Variants in ST6GALNAC3 observed in about 807,000 individuals in gnomAD.
The protein encoded by ST6GALNAC3 is ST6 N-acetylgalactosaminide alpha-2,6-sialyltransferase 3.
In ST6GALNAC3, 25 loss-of-function variants were observed where a neutral mutation model predicts 32.7. The observed-to-expected ratio is 0.76, with a 90% CI of 0.56 to 1.07. The LOEUF is 1.07. ST6GALNAC3 is among the 50% of genes least tolerant of loss of function. The pLI, the probability that ST6GALNAC3 is intolerant of heterozygous loss-of-function variation, is 0.00. For synonymous variants in ST6GALNAC3, 129 were observed against 133.1 expected, an observed-to-expected ratio of 0.97 and a Z score of 0.21; for missense variants, 355 against 382.4, an observed-to-expected ratio of 0.93 and a Z score of 0.60.
chr1:76,102,235 T>TTGTG (rs60454163), intron 1 of ST6GALNAC3, among the ~76,000 whole-genome samples: 3,644 of 147,494 alleles, frequency 0.025, 62 homozygotes, highest in African/African-American at 0.045. Context: ...CCTGGTGTGT[T>TTGTG]TGTGTGTGTG....
intron 1 of ST6GALNAC3, chr1:76,142,989 G>T: frequency 5.0e-6 from 2 of 398,528 alleles, no homozygotes; most frequent in South Asian, 1.8e-5. Flanking sequence ...GCCAGAACCG[G>T]CAGAGGGCAA....
rs539342025 is a variant in ST6GALNAC3 at position 76,112,565 on chromosome 1, C to G, written c.18+37681C>G. 1.2e-4 allele frequency among the ~76,000 whole-genome samples: 18 copies of G among 151,712 alleles called. No homozygotes were observed. The South Asian group carries it at 3.5e-3, about 30-fold the overall frequency. ...ACGGGGTGGCTGCCGGGCGGAGACG[C>G]TCCTCACTTCCCAGACGGTGTGGCT... On this transcript the variant is annotated intron_variant, in intron 1 of 4. Transcript: ENST00000328299.
At chr1:76,180,165 G>A (rs1302046904) in intron 1 of ST6GALNAC3, among the ~76,000 whole-genome samples, 1 of 152,220 alleles carries the variant, frequency 6.6e-6, no homozygotes. Context: ...CATACTAGGT[G>A]TTCAGAAAGT....
intron 3 of ST6GALNAC3, among the ~76,000 whole-genome samples, chr1:76,545,208 A>G (rs1007110785): frequency 6.6e-6 from 1 of 152,234 alleles, no homozygotes; most frequent in African/African-American, 2.4e-5. Flanking sequence ...ACTAAAAGTC[A>G]CAAAGTAGCA....
chr1:76,515,528 A>AT (rs913715750), intron 3 of ST6GALNAC3, among the ~76,000 whole-genome samples: 7 of 151,860 alleles, frequency 4.6e-5, no homozygotes, highest in Non-Finnish European at 8.8e-5. Context: ...AATCTTCCTT[A>AT]TTTTTTGATG....
chr1:76,175,013 T>TTA (rs557947495), intron 1 of ST6GALNAC3, among the ~76,000 whole-genome samples: 28 of 152,278 alleles, frequency 1.8e-4, no homozygotes, highest in African/African-American at 5.8e-4. Flanking sequence ...ACCTATTACA[T>TTA]TATATTGTAT....
chr1:76,280,844 A>G (rs1479359355), intron 1 of ST6GALNAC3, among the ~76,000 whole-genome samples: 2 of 152,240 alleles, frequency 1.3e-5, no homozygotes, highest in Admixed American at 6.5e-5. Flanking sequence ...CAAATTGATC[A>G]TCAAGGCAAA....
At chr1:76,232,967 T>C (rs1251671171) in intron 1 of ST6GALNAC3, among the ~76,000 whole-genome samples, 3 of 152,170 alleles carry the variant, frequency 2.0e-5, no homozygotes, top group Non-Finnish European at 4.4e-5. Context: ...CTTTGGACAC[T>C]GTACTTAACC....
chr1:76,087,172 C>T (rs944952266), intron 1 of ST6GALNAC3, among the ~76,000 whole-genome samples: 7 of 152,326 alleles, frequency 4.6e-5, no homozygotes, highest in African/African-American at 1.4e-4. Context: ...CTGCATGTGA[C>T]TTCTAACTTG....
Position 76,630,118 on chromosome 1 carries a change from T to C in ST6GALNAC3, c.*1312T>C. ...TCTGCTCTCTTTAGCAGATGATCTGTAATTTGGTCATTGTTCTGTTATATT... is the reference window on the plus strand; with the variant it reads ...TCTGCTCTCTTTAGCAGATGATCTGCAATTTGGTCATTGTTCTGTTATATT... On this transcript the variant is annotated 3_prime_UTR_variant, in exon 5 of 5. Coordinates refer to ENST00000328299, the MANE Select transcript of ST6GALNAC3 (RefSeq NM_152996.4). 1 of 985,274 alleles carries C rather than the reference T, an allele frequency of 1.0e-6. No individual in the cohort carries two copies. Among genetic ancestry groups the C allele is most frequent in the Non-Finnish European group, 1.2e-6 (1 of 829,830 alleles). 61.0% of individuals were successfully genotyped at this position (985,274 alleles called of 1,614,324 possible). A position where few individuals can be genotyped will look rare whatever the true frequency, so the allele number is the denominator to read the frequency against.
chr1:76,354,447 G>A (rs1203573567), intron 2 of ST6GALNAC3, among the ~76,000 whole-genome samples: 1 of 152,178 alleles, frequency 6.6e-6, no homozygotes, highest in Admixed American at 6.5e-5. Flanking sequence ...AACAGCTCCT[G>A]TCCCACAGTA....
chr1:76,292,444 T>G (rs1026207564), intron 1 of ST6GALNAC3, among the ~76,000 whole-genome samples: 1 of 152,218 alleles, frequency 6.6e-6, no homozygotes, highest in Non-Finnish European at 1.5e-5. Context: ...GTAGAAAGAA[T>G]GAACCAACTG....
At chr1:76,198,373 G>A (rs1654328393) in intron 1 of ST6GALNAC3, among the ~76,000 whole-genome samples, 1 of 152,256 alleles carries the variant, frequency 6.6e-6, no homozygotes, top group Admixed American at 6.5e-5. Flanking sequence ...GCAATTATAA[G>A]ATTTTATTCA....
At chr1:76,411,948 G>A in intron 2 of ST6GALNAC3, 60 bp from the exon 3 acceptor site, 1 of 1,545,770 alleles carries the variant, frequency 6.5e-7, no homozygotes, top group Non-Finnish European at 8.7e-7. Context: ...TTTTCCCATA[G>A]GAACTTGTTT....
intron 1 of ST6GALNAC3, among the ~76,000 whole-genome samples, chr1:76,126,216 T>C (rs938922001): frequency 6.6e-6 from 1 of 152,216 alleles, no homozygotes; most frequent in African/African-American, 2.4e-5. Flanking sequence ...ATATTTTTTC[T>C]CTCCCTGCCC....
intron 2 of ST6GALNAC3, among the ~76,000 whole-genome samples, chr1:76,339,532 G>A (rs1647782915): frequency 6.6e-6 from 1 of 152,120 alleles, no homozygotes; most frequent in African/African-American, 2.4e-5. Flanking sequence ...GATGTTAGTG[G>A]TAATTTATTA....
At position 76,607,687 on chromosome 1, in the gene ST6GALNAC3, A is replaced by G. The variant is rs558426043; in HGVS notation, c.624-19765A>G. 3.3e-5 allele frequency among the ~76,000 whole-genome samples: 5 copies of G among 152,268 alleles called. No homozygotes were observed. The East Asian group carries it at 7.7e-4, about 23-fold the overall frequency. On this transcript the variant is annotated intron_variant, in intron 3 of 4. Transcript: ENST00000328299. ...AATGTTTATTTCTTAGTACATCACA[A>G]TATCATAGTATTTCTTCCTCTGGGT...
At chr1:76,597,811 C>G (rs529540694) in intron 3 of ST6GALNAC3, among the ~76,000 whole-genome samples, 17 of 152,178 alleles carry the variant, frequency 1.1e-4, no homozygotes, top group African/African-American at 4.1e-4. Flanking sequence ...GGGTCTACAC[C>G]GTTTCCAATG....
intron 1 of ST6GALNAC3, among the ~76,000 whole-genome samples, chr1:76,257,832 T>G (rs80165275): frequency 0.01 from 1,598 of 152,270 alleles, 17 homozygotes; most frequent in Middle Eastern, 0.027. Context: ...AATGATGTTA[T>G]TTTATTTTTG....
Sources: gnomAD v4.1 joint callset for allele counts (sites outside exome capture counted in the v4.1 genomes callset) on GRCh38, gnomAD v4.1.1 for gene constraint, MANE v1.5 for transcripts, NCBI Gene and HGNC (gene_info 2026-07-23, HGNC 2026-07-21) for gene names.